The following ACOX1 variants were observed in gnomAD, a reference collection of about 807,000 sequenced individuals.
ACOX1 encodes the protein acyl-CoA oxidase 1.
ACOX1 carries 41 observed loss-of-function variants against 75.5 expected under a neutral mutation model. The observed-to-expected ratio is 0.54, with a 90% confidence interval of 0.42 to 0.70. The LOEUF (loss-of-function observed/expected upper bound fraction) is 0.70. Ranked by LOEUF, ACOX1 falls within the 30% of genes least tolerant of loss-of-function variation. The pLI, the probability that ACOX1 is intolerant of heterozygous loss-of-function variation, is 0.00. For missense variants in ACOX1, 630 were observed against 837.5 expected (o/e 0.75, Z 3.06); for synonymous variants, 303 against 298.8 (o/e 1.01, Z -0.15).
intron 11 of ACOX1, 33 bp downstream of exon 11, chr17:75,949,462 A>G: frequency 6.2e-7 from 1 of 1,611,648 alleles, no homozygotes; most frequent in Non-Finnish European, 8.5e-7. Context: ...TGCTGAGGGC[A>G]GGGAAGGGGA....
At chr17:75,958,535 A>G (rs138323537) in intron 3 of ACOX1, among the ~76,000 whole-genome samples, 2,878 of 145,878 alleles carry the variant, frequency 0.02, 54 homozygotes, top group South Asian at 0.069. Context: ...AAAGCTGGGC[A>G]CGGTGGCTCA....
At chr17:75,971,237 G>A (rs1229697814) in intron 2 of ACOX1, among the ~76,000 whole-genome samples, 1 of 150,732 alleles carries the variant, frequency 6.6e-6, no homozygotes, top group Non-Finnish European at 1.5e-5. Flanking sequence ...GTTGCGGGGA[G>A]CCGAGATCGC....
chr17:75,967,588 T>A (rs1276945708), intron 2 of ACOX1, among the ~76,000 whole-genome samples: 1 of 145,536 alleles, frequency 6.9e-6, no homozygotes, highest in Non-Finnish European at 1.5e-5. Context: ...GAAAATAATT[T>A]AAAAAATCGA....
chr17:75,949,409 T>C (rs181304930), intron 11 of ACOX1, 49 bp from the exon 12 acceptor site: 636 of 1,613,308 alleles, frequency 3.9e-4, no homozygotes, highest in Admixed American at 8.3e-4. Context: ...GGAAAAAGAT[T>C]CAATATACAG....
intron 2 of ACOX1, among the ~76,000 whole-genome samples, chr17:75,972,799 G>A (rs1006232581): frequency 2.0e-5 from 3 of 152,120 alleles, no homozygotes; most frequent in Admixed American, 6.6e-5. Flanking sequence ...CAGTACCCAT[G>A]GAGATGACAA....
chr17:75,969,085 C>A (rs1320514391), intron 2 of ACOX1, among the ~76,000 whole-genome samples: 11 of 152,170 alleles, frequency 7.2e-5, no homozygotes. Context: ...CTAAAATGCT[C>A]ATGTCCCTCA....
At chr17:75,963,385 C>T (rs7226127) in intron 2 of ACOX1, among the ~76,000 whole-genome samples, 19,100 of 151,936 alleles carry the variant, frequency 0.13, 1,645 homozygotes, top group African/African-American at 0.25. Context: ...GAAATTACTG[C>T]ACAAGCATAG....
chr17:75,963,088 A>ACG, intron 2 of ACOX1, among the ~76,000 whole-genome samples: 2 of 146,750 alleles, frequency 1.4e-5, no homozygotes, highest in South Asian at 4.2e-4. Context: ...CCACGATGGC[A>ACG]CCACTGCACT....
intron 3 of ACOX1, among the ~76,000 whole-genome samples, chr17:75,958,570 G>GA (rs1293488806): frequency 4.0e-4 from 58 of 145,510 alleles, no homozygotes; most frequent in Admixed American, 3.6e-3. Context: ...GCACTTTGGG[G>GA]GGCCAAGGCG....
rs1234450637 is a variant in ACOX1 at position 75,949,822 on chromosome 17, C to A, written c.1374G>T (p.Leu458=). The change falls in exon 10 of 14, where the codon CTG becomes CTT. Residue 458 remains leucine, a synonymous_variant. Coordinates refer to ENST00000293217, the MANE Select transcript of ACOX1 (RefSeq NM_004035.7). ...GCTGTGGCTGGATGCGCTGACTGGG[C>A]AGGTCGTTCAAATAGGACACCATGC... ...VCGMVSYLND[L]PSQRIQPQQV... 7 of 1,614,090 alleles carry A rather than the reference C, an allele frequency of 4.3e-6. No individual in the cohort carries two copies. The highest frequency in any genetic ancestry group is 5.1e-6 in the Non-Finnish European group (6 of 1,180,050).
At chr17:75,967,684 A>ATG (rs1349138284) in intron 2 of ACOX1, among the ~76,000 whole-genome samples, 1 of 140,432 alleles carries the variant, frequency 7.1e-6, no homozygotes, top group Admixed American at 7.5e-5. Flanking sequence ...ATATATACGT[A>ATG]TATATATACA....
At chr17:75,975,909 GAA>G (rs1418384231) in intron 2 of ACOX1, among the ~76,000 whole-genome samples, 1 of 148,284 alleles carries the variant, frequency 6.7e-6, no homozygotes, top group African/African-American at 2.5e-5. Context: ...AAGAGGAAGA[GAA>G]AGAGAAAGAA....
intron 2 of ACOX1, among the ~76,000 whole-genome samples, chr17:75,974,907 G>A (rs1189368410): frequency 2.0e-5 from 3 of 151,368 alleles, no homozygotes; most frequent in East Asian, 2.0e-4. Context: ...AAAATTAGCC[G>A]GGTGTGGTGG....
At chr17:75,971,868 C>T (rs1338267603) in intron 2 of ACOX1, among the ~76,000 whole-genome samples, 5 of 152,158 alleles carry the variant, frequency 3.3e-5, no homozygotes, top group Admixed American at 3.3e-4. Context: ...GACTATTTCA[C>T]ATCTTATGCC....
At position 75,949,237 on chromosome 17, in the gene ACOX1, TCTGA is replaced by T. The variant is rs1332660959; in HGVS notation, c.1704_1707del (p.Ser568ArgfsTer12). On this transcript the variant is annotated frameshift_variant, in exon 12 of 14. Transcript: ENST00000293217. LOFTEE classifies it high-confidence loss of function. ...CTGACCTGAAGGAAATCCCCCGCGT[TCTGA>T]CTGATTCCATACAGAGAATACAGCA... 4.3e-6 allele frequency: 7 copies of T among 1,614,220 alleles called. No homozygotes were observed. The highest frequency in any genetic ancestry group is 5.1e-6 in the Non-Finnish European group (6 of 1,180,040).
At chr17:75,949,451 A>T (rs751763331) in intron 11 of ACOX1, 44 bp downstream of exon 11, 8 of 1,611,248 alleles carry the variant, frequency 5.0e-6, no homozygotes, top group Non-Finnish European at 6.8e-6. Context: ...AAAATGCGGG[A>T]TGCTGAGGGC....
chr17:75,973,120 C>A (rs2066012237), intron 2 of ACOX1, among the ~76,000 whole-genome samples: 1 of 152,186 alleles, frequency 6.6e-6, no homozygotes, highest in South Asian at 2.1e-4. Context: ...GAAAAAATGT[C>A]TAAAAAGACT....
At chr17:75,975,410 C>G (rs953676742) in intron 2 of ACOX1, among the ~76,000 whole-genome samples, 7 of 152,198 alleles carry the variant, frequency 4.6e-5, no homozygotes, top group Non-Finnish European at 8.8e-5. Context: ...CTGCCCACCT[C>G]AGCCACCCAA....
intron 2 of ACOX1, among the ~76,000 whole-genome samples, chr17:75,972,583 T>C (rs1465680186): frequency 6.8e-6 from 1 of 147,906 alleles, no homozygotes; most frequent in Non-Finnish European, 1.5e-5. Context: ...AGGCGGAGGT[T>C]GCAGTGAGCT....
Sources: gnomAD v4.1 joint callset for allele counts (sites outside exome capture counted in the v4.1 genomes callset) on GRCh38, gnomAD v4.1.1 for gene constraint, MANE v1.5 for transcripts, NCBI Gene and HGNC (gene_info 2026-07-23, HGNC 2026-07-21) for gene names.